The following JAM3 variants were observed in gnomAD, a reference collection of about 807,000 sequenced individuals.
The protein encoded by JAM3 is junctional adhesion molecule C.
In JAM3, 31 loss-of-function variants were observed where a neutral mutation model predicts 39.4. That is an observed-to-expected ratio of 0.79 (90% CI 0.59 to 1.06). The LOEUF is 1.06. Among genes scored for constraint, JAM3 ranks in the 50% least tolerant of loss-of-function variants. The probability of loss-of-function intolerance (pLI) is 0.00; values close to 1 mark genes in which losing one functional copy is unlikely to be tolerated. For missense variants in JAM3, 455 were observed against 391.4 expected (o/e 1.16, Z -1.37); for synonymous variants, 182 against 148.7 (o/e 1.22, Z -1.63).
At chr11:134,090,665 T>A (rs936671647) in intron 1 of JAM3, among the ~76,000 whole-genome samples, 4 of 152,202 alleles carry the variant, frequency 2.6e-5, no homozygotes, top group African/African-American at 4.8e-5. Context: ...TTTCTAGATT[T>A]CAGTGTTGTC....
At chr11:134,105,053 AAG>A (rs1329389893) in intron 1 of JAM3, among the ~76,000 whole-genome samples, 1 of 152,180 alleles carries the variant, frequency 6.6e-6, no homozygotes, top group Non-Finnish European at 1.5e-5. Context: ...GACACAAAAA[AAG>A]AGAATTTTAG....
rs988829072 is a variant in JAM3, at chr11:134,149,672, A to G, written c.*491A>G. ...CTTACTTCATCGGCCCACAGACACCACCGCAGTTTCTTCTTAAAGGCTCTG... is the reference window on the plus strand; with the variant it reads ...CTTACTTCATCGGCCCACAGACACCGCCGCAGTTTCTTCTTAAAGGCTCTG... On this transcript the variant is annotated 3_prime_UTR_variant, in exon 9 of 9. Coordinates refer to ENST00000299106, the MANE Select transcript of JAM3 (RefSeq NM_032801.5). 1.5e-5 allele frequency: 7 copies of G among 456,922 alleles called. No homozygotes were observed. Among genetic ancestry groups the G allele is most frequent in the African/African-American group, 1.4e-4 (7 of 50,100 alleles). 28.3% of individuals were successfully genotyped at this position (456,922 alleles called of 1,614,324 possible).
chr11:134,079,992 CTTTTT>C (rs149112662), intron 1 of JAM3, among the ~76,000 whole-genome samples: 1 of 148,020 alleles, frequency 6.8e-6, no homozygotes, highest in African/African-American at 2.6e-5. Flanking sequence ...TTGTTTTGTT[CTTTTT>C]TTTGTTTTTT....
chr11:134,105,717 C>G (rs1260475580), intron 1 of JAM3, among the ~76,000 whole-genome samples: 1 of 151,178 alleles, frequency 6.6e-6, no homozygotes, highest in Non-Finnish European at 1.5e-5. Flanking sequence ...AATAGACAAA[C>G]AGCCAAATCA....
intron 1 of JAM3, among the ~76,000 whole-genome samples, chr11:134,082,762 T>C (rs1941687977): frequency 6.6e-6 from 1 of 152,152 alleles, no homozygotes; most frequent in African/African-American, 2.4e-5. Flanking sequence ...TGCATATACA[T>C]GAAAAGTTTT....
chr11:134,079,569 T>G (rs1281778716), intron 1 of JAM3, among the ~76,000 whole-genome samples: 2 of 152,180 alleles, frequency 1.3e-5, no homozygotes, highest in Non-Finnish European at 2.9e-5. Context: ...GTGTTAGGCA[T>G]TTTGGATTCA....
intron 1 of JAM3, among the ~76,000 whole-genome samples, chr11:134,122,867 C>T (rs1448502511): frequency 6.6e-6 from 1 of 152,186 alleles, no homozygotes; most frequent in African/African-American, 2.4e-5. Flanking sequence ...ACGCTACAGC[C>T]CACAATTGTA....
chr11:134,151,685 G>A lies in JAM3; in HGVS notation c.*2504G>A, dbSNP rs1430364505. The A allele has an allele frequency of 2.6e-5, 4 of 152,222 alleles. No individual in the cohort carries two copies. Among genetic ancestry groups the A allele is most frequent in the Non-Finnish European group, 4.4e-5 (3 of 68,052 alleles). 9.4% of individuals were successfully genotyped at this position (152,222 alleles called of 1,614,324 possible). Reference sequence around the variant, plus strand: ...GATGTTGCTGTACACAGATGCTACAGACTTGTACTAACACACCGTAATTTG... The same window carrying A: ...GATGTTGCTGTACACAGATGCTACAAACTTGTACTAACACACCGTAATTTG... On this transcript the variant is annotated 3_prime_UTR_variant, in exon 9 of 9. Transcript: ENST00000299106.
intron 1 of JAM3, among the ~76,000 whole-genome samples, chr11:134,109,103 C>G (rs1012707691): frequency 6.6e-6 from 1 of 152,008 alleles, no homozygotes; most frequent in African/African-American, 2.4e-5. Flanking sequence ...ACTACAGGCA[C>G]GAGCCACCAC....
intron 1 of JAM3, among the ~76,000 whole-genome samples, chr11:134,081,302 A>G (rs546150619): frequency 3.7e-4 from 57 of 152,360 alleles, no homozygotes; most frequent in African/African-American, 1.2e-3. Flanking sequence ...CCCCAAGACA[A>G]TGGGGAAAAT....
intron 1 of JAM3, among the ~76,000 whole-genome samples, chr11:134,122,199 A>G (rs1196982672): frequency 6.6e-6 from 1 of 152,214 alleles, no homozygotes; most frequent in African/African-American, 2.4e-5. Context: ...AGGTATCATC[A>G]GTGTGAGACA....
intron 1 of JAM3, among the ~76,000 whole-genome samples, chr11:134,084,242 T>C (rs1941711193): frequency 6.6e-6 from 1 of 152,226 alleles, no homozygotes; most frequent in African/African-American, 2.4e-5. Flanking sequence ...CAGCTTCATA[T>C]ACCTATCTGT....
In JAM3 at chr11:134,149,257, G is replaced by A. The variant is rs1943145019; in HGVS notation, c.*76G>A. 1 of 1,565,214 alleles carries A rather than the reference G, an allele frequency of 6.4e-7. No homozygotes were observed. Among genetic ancestry groups the A allele is most frequent in the African/African-American group, 1.4e-5 (1 of 73,940 alleles). ...CTAGAAACTCCTGTCAAGGCAGCGA[G>A]AGCTGATGCACTCGGACAGAGCTAG... On this transcript the variant is annotated 3_prime_UTR_variant, in exon 9 of 9. Transcript: ENST00000299106.
intron 1 of JAM3, among the ~76,000 whole-genome samples, chr11:134,117,436 T>A (rs1427618452): frequency 6.6e-6 from 1 of 152,108 alleles, no homozygotes; most frequent in Non-Finnish European, 1.5e-5. Flanking sequence ...CTTGATGTCT[T>A]CCCTTATTAG....
chr11:134,111,028 A>T (rs1942298724), intron 1 of JAM3, among the ~76,000 whole-genome samples: 1 of 151,428 alleles, frequency 6.6e-6, no homozygotes, highest in South Asian at 2.1e-4. Context: ...AGCTTAGGGT[A>T]TAAGAATATA....
intron 1 of JAM3, among the ~76,000 whole-genome samples, chr11:134,104,413 C>G (rs1942140869): frequency 6.6e-6 from 1 of 152,140 alleles, no homozygotes; most frequent in South Asian, 2.1e-4. Context: ...CAGGAAAGAT[C>G]TAAAATTGAC....
At chr11:134,112,188 G>C (rs1942325896) in intron 1 of JAM3, among the ~76,000 whole-genome samples, 1 of 152,140 alleles carries the variant, frequency 6.6e-6, no homozygotes. Flanking sequence ...CCGGGTTCAA[G>C]GAATTCTCCT....
intron 1 of JAM3, among the ~76,000 whole-genome samples, chr11:134,126,637 C>T (rs1477747013): frequency 6.6e-6 from 1 of 152,186 alleles, no homozygotes; most frequent in East Asian, 1.9e-4. Context: ...AGGGATTTTG[C>T]TGAGGACTGT....
intron 1 of JAM3, among the ~76,000 whole-genome samples, chr11:134,114,543 A>G (rs993293686): frequency 3.3e-5 from 5 of 152,106 alleles, no homozygotes; most frequent in African/African-American, 9.7e-5. Context: ...ATTGGTCTCT[A>G]TCTCTCTTTT....
Sources: allele counts gnomAD v4.1 joint callset (sites outside exome capture counted in the v4.1 genomes callset), GRCh38; gene constraint gnomAD v4.1.1; transcripts MANE v1.5; gene names NCBI Gene and HGNC (gene_info 2026-07-23, HGNC 2026-07-21).